The following SYNPO2 variants were observed in gnomAD, a reference collection of about 807,000 sequenced individuals.
SYNPO2 encodes the protein synaptopodin-2.
In SYNPO2, 56 loss-of-function variants were observed where a neutral mutation model predicts 85.0. The ratio of observed to expected loss-of-function variants is 0.66; its 90% CI spans 0.53 to 0.82. The LOEUF is 0.82. Ranked by LOEUF, SYNPO2 falls within the 40% of genes least tolerant of loss-of-function variation. The probability of loss-of-function intolerance (pLI) is 0.00; values close to 1 mark genes in which losing one functional copy is unlikely to be tolerated. For synonymous variants in SYNPO2, 602 were observed against 591.1 expected, an observed-to-expected ratio of 1.02 and a Z score of -0.27; for missense variants, 1,575 against 1,534.2, an observed-to-expected ratio of 1.03 and a Z score of -0.44.
intron 4 of SYNPO2, among the ~76,000 whole-genome samples, chr4:119,039,922 G>T (rs1423449956): frequency 6.6e-6 from 1 of 152,178 alleles, no homozygotes; most frequent in Non-Finnish European, 1.5e-5. Flanking sequence ...TACATTGGTA[G>T]TGATTAAGAG....
intron 1 of SYNPO2, among the ~76,000 whole-genome samples, chr4:118,990,457 T>A (rs1456253818): frequency 6.6e-6 from 1 of 152,124 alleles, no homozygotes; most frequent in African/African-American, 2.4e-5. Context: ...ATACACCAAA[T>A]ATTGTGCCAG....
intron 1 of SYNPO2, among the ~76,000 whole-genome samples, chr4:119,014,089 A>C (rs569491624): frequency 6.6e-6 from 1 of 152,338 alleles, no homozygotes; most frequent in East Asian, 1.9e-4. Flanking sequence ...GCAGAAGCAC[A>C]TCTGAGAATC....
chr4:119,020,285 G>A (rs553737934), intron 1 of SYNPO2, among the ~76,000 whole-genome samples: 60 of 152,248 alleles, frequency 3.9e-4, no homozygotes, highest in African/African-American at 1.3e-3. Flanking sequence ...TCAGTGAAAC[G>A]CAATCACAGC....
chr4:118,919,906 C>T (rs1240553636), intron 1 of SYNPO2, among the ~76,000 whole-genome samples: 1 of 152,166 alleles, frequency 6.6e-6, no homozygotes, highest in Non-Finnish European at 1.5e-5. Context: ...GTGATCCCTG[C>T]TAAGAAGCTG....
intron 4 of SYNPO2, chr4:119,037,504 T>G (rs1257849018): frequency 9.9e-7 from 1 of 1,008,214 alleles, no homozygotes; most frequent in Admixed American, 5.8e-5. Context: ...TCAGAGAATC[T>G]TTGATACTTT....
At chr4:119,056,838 C>G (rs1044902018) in intron 4 of SYNPO2, among the ~76,000 whole-genome samples, 2 of 152,138 alleles carry the variant, frequency 1.3e-5, no homozygotes, top group South Asian at 4.1e-4. Flanking sequence ...TTAACTACAT[C>G]TAAGAAGCTC....
At chr4:118,893,984 T>C (rs1190230440) in intron 1 of SYNPO2, among the ~76,000 whole-genome samples, 1 of 151,610 alleles carries the variant, frequency 6.6e-6, no homozygotes, top group Non-Finnish European at 1.5e-5. Flanking sequence ...TACATGCAAC[T>C]ATTATTTGTC....
chr4:118,863,877 G>A lies in SYNPO2; in HGVS notation c.12+12937G>A, dbSNP rs147279232. ...CCGCTTCAGCCTCCCAAAATGCTGG[G>A]ATTACAGGCATGAGCCACTGTGCCC... On this transcript the variant is annotated intron_variant, in intron 1 of 4. Transcript: ENST00000610556. Among the ~76,000 whole-genome samples the A allele has an allele frequency of 7.9e-4, 121 of 152,276 alleles. No homozygotes were observed. The East Asian group carries it at 0.016, about 20-fold the overall frequency.
chr4:119,034,139 C>A lies in SYNPO2; in HGVS notation c.3252+2112C>A, dbSNP rs1248183778. 5 of 985,342 alleles carry A rather than the reference C, an allele frequency of 5.1e-6. No homozygotes were observed. In the African/African-American group the frequency reaches 8.7e-5, roughly 17 times the overall value. 61.0% of individuals were successfully genotyped at this position (985,342 alleles called of 1,614,324 possible). ...ATTACTTGTTCCCTGCAAAGGAAAT[C>A]TGTTGAATGCTTGCATTTTGAATTC... is the stretch of plus-strand genomic sequence containing the variant. On this transcript the variant is annotated intron_variant, in intron 4 of 4. Coordinates refer to ENST00000307142, the MANE Select transcript of SYNPO2 (RefSeq NM_133477.3).
chr4:119,018,967 G>A (rs992571774), intron 1 of SYNPO2, among the ~76,000 whole-genome samples: 2 of 152,066 alleles, frequency 1.3e-5, no homozygotes, highest in African/African-American at 4.8e-5. Flanking sequence ...AGTTTTTGAA[G>A]TTGGTAAGCT....
rs111562267 is a variant in SYNPO2 at position 118,999,805 on chromosome 4, C to T, written c.106-23625C>T. Among the ~76,000 whole-genome samples, 739 of 152,274 alleles carry T rather than the reference C, an allele frequency of 4.9e-3. 3 individuals are homozygous for T. The highest frequency in any genetic ancestry group is 0.017 in the African/African-American group (710 of 41,546). On this transcript the variant is annotated intron_variant, in intron 1 of 4. Transcript: ENST00000307142. ...TGGGGCACATAGGGTAGATTCTGAA[C>T]ACAGAGAACAGTTTCCTTCTAATCT...
chr4:118,991,411 G>T (rs1736412087), intron 1 of SYNPO2, among the ~76,000 whole-genome samples: 1 of 152,002 alleles, frequency 6.6e-6, no homozygotes, highest in South Asian at 2.1e-4. Context: ...GCCTCCCAAA[G>T]TGTTGGGATT....
In SYNPO2 at chr4:119,057,483, A is replaced by G; in HGVS notation, c.3335A>G (p.Tyr1112Cys). 6.2e-7 allele frequency: 1 copy of G among 1,614,070 alleles called. No homozygotes were observed. The highest frequency in any genetic ancestry group is 8.5e-7 in the Non-Finnish European group (1 of 1,180,016). Reference protein sequence around the residue: ...STSPWVYQPTYSYSSKPTDGL... With the variant: ...STSPWVYQPTCSYSSKPTDGL... ...TCTCCTTGGGTATACCAGCCTACTT[A>G]TAGTTACTCTAGTAAACCAACCGAT... The change falls in exon 5 of 5, where the codon TAT (tyrosine) becomes TGT (cysteine). Residue 1112 changes from tyrosine to cysteine, a missense_variant. Transcript: ENST00000307142.
chr4:118,903,916 C>T (rs1268225944), intron 1 of SYNPO2, among the ~76,000 whole-genome samples: 1 of 152,016 alleles, frequency 6.6e-6, no homozygotes, highest in Non-Finnish European at 1.5e-5. Context: ...AGGGGTTTCA[C>T]CATGTTGGCC....
intron 3 of SYNPO2, among the ~76,000 whole-genome samples, chr4:119,028,084 A>G (rs1300256710): frequency 2.0e-5 from 3 of 152,222 alleles, no homozygotes; most frequent in Admixed American, 2.0e-4. Flanking sequence ...GTCTCCAAAC[A>G]TAAAATATAT....
At chr4:118,903,377 G>A (rs991254766) in intron 1 of SYNPO2, among the ~76,000 whole-genome samples, 7 of 152,084 alleles carry the variant, frequency 4.6e-5, no homozygotes, top group Non-Finnish European at 8.8e-5. Context: ...GGGGTTTGTC[G>A]TTAGTATTGT....
At chr4:118,978,492 G>A (rs1259102388) in intron 1 of SYNPO2, among the ~76,000 whole-genome samples, 3 of 152,056 alleles carry the variant, frequency 2.0e-5, no homozygotes, top group Non-Finnish European at 2.9e-5. Context: ...GGGAAACTTC[G>A]GCTATACCTT....
intron 1 of SYNPO2, among the ~76,000 whole-genome samples, chr4:118,942,942 A>G (rs1734366444): frequency 1.3e-5 from 2 of 152,110 alleles, no homozygotes; most frequent in South Asian, 4.2e-4. Context: ...CTCCATCTCT[A>G]CTAAAGATAC....
chr4:118,999,414 A>G (rs1736740328), intron 1 of SYNPO2, among the ~76,000 whole-genome samples: 1 of 152,094 alleles, frequency 6.6e-6, no homozygotes, highest in South Asian at 2.1e-4. Context: ...AGCCTCCCAA[A>G]GCGCTGGAAT....
Sources: allele counts gnomAD v4.1 joint callset (sites outside exome capture counted in the v4.1 genomes callset), GRCh38; gene constraint gnomAD v4.1.1; transcripts MANE v1.5; gene names NCBI Gene and HGNC (gene_info 2026-07-23, HGNC 2026-07-21).